The following COL5A3 variants were observed in gnomAD, a reference collection of about 807,000 sequenced individuals.
The protein encoded by COL5A3 is collagen alpha-3(V) chain.
In COL5A3, 172 loss-of-function variants were observed where a neutral mutation model predicts 250.0. That is an observed-to-expected ratio of 0.69 (90% CI 0.61 to 0.78). The LOEUF is 0.78. Among genes scored for constraint, COL5A3 ranks in the 30% least tolerant of loss-of-function variants. COL5A3 has a pLI of 0.00. For missense variants in COL5A3, 2,340 were observed against 2,334.4 expected, an observed-to-expected ratio of 1.00 and a Z score of -0.05; for synonymous variants, 937 against 900.4, an observed-to-expected ratio of 1.04 and a Z score of -0.73.
chr19:9,981,939 G>C, intron 32 of COL5A3, 126 bp downstream of exon 32: 1 of 756,602 alleles, frequency 1.3e-6, no homozygotes, highest in Non-Finnish European at 2.4e-6. Context: ...ATAATAGCAT[G>C]TGTGCACACA....
chr19:9,979,501 AGGAATCT>A, intron 37 of COL5A3, 84 bp from the exon 38 acceptor site: 1 of 1,463,714 alleles, frequency 6.8e-7, no homozygotes, highest in Non-Finnish European at 9.5e-7. Flanking sequence ...TGATAGGATC[AGGAATCT>A]GGCCGGTCCG....
chr19:9,966,993 A>G (rs1156305992), intron 62 of COL5A3, among the ~76,000 whole-genome samples: 2 of 152,154 alleles, frequency 1.3e-5, no homozygotes, highest in Non-Finnish European at 2.9e-5. Context: ...AGAAAGCGCA[A>G]GAATAGCAGA....
Position 9,980,639 on chromosome 19 carries a change from C to T in COL5A3, c.2604+9G>A, listed in dbSNP as rs187893640. 6.2e-7 allele frequency: 1 copy of T among 1,613,168 alleles called. No individual in the cohort carries two copies. The highest frequency in any genetic ancestry group is 8.5e-7 in the Non-Finnish European group (1 of 1,179,542). ...ACATTCACACACACACACACACACACACACTCACCTTTTCTCCAGGGATCC... is the reference window on the plus strand; with the variant it reads ...ACATTCACACACACACACACACACATACACTCACCTTTTCTCCAGGGATCC... On this transcript the variant is annotated intron_variant, in intron 35 of 66. Coordinates refer to ENST00000264828, the MANE Select transcript of COL5A3 (RefSeq NM_015719.4).
Position 9,960,525 on chromosome 19 carries a change from T to C in COL5A3, c.5124A>G (p.Glu1708=). ...LRKGQTKTLF[E]FSSSRAGFLP... is the part of the protein sequence containing the mutation. ...GAAATCCCGCTCGAGAAGAGCTGAA[T>C]TCGAAAAGGGTCTTCGTCTGTCCTT... Residue 1708 remains glutamate (E), a synonymous_variant, in exon 67 of 67, where the codon GAA becomes GAG. Transcript: ENST00000264828. 2 of 1,614,152 alleles carry C rather than the reference T, an allele frequency of 1.2e-6. No individual in the cohort carries two copies. The highest frequency in any genetic ancestry group is 1.7e-6 in the Non-Finnish European group (2 of 1,180,034).
Position 9,969,923 on chromosome 19 carries a change from C to T in COL5A3, c.3937-1G>A, listed in dbSNP as rs1026012524. The stretch of plus-strand genomic sequence containing the variant: ...CTCGACCCATGTGGCCTGAAGGACC[C>T]TTGGAAGGGAAAGACAGTGAGGGGG... On this transcript the variant is annotated splice_acceptor_variant, in intron 54 of 66. Coordinates refer to ENST00000264828, the MANE Select transcript of COL5A3 (RefSeq NM_015719.4). LOFTEE classifies it high-confidence loss of function. 2 of 1,590,974 alleles carry T rather than the reference C, an allele frequency of 1.3e-6. No individual in the cohort carries two copies. Among genetic ancestry groups the T allele is most frequent in the Non-Finnish European group, 1.7e-6 (2 of 1,172,140 alleles).
intron 54 of COL5A3, 60 bp from the exon 55 acceptor site, chr19:9,969,982 T>G (rs1374198283): frequency 8.9e-6 from 12 of 1,354,434 alleles, no homozygotes; most frequent in African/African-American, 5.8e-5. Flanking sequence ...GAGGGGTGAG[T>G]GGGGTCTGGG....
intron 1 of COL5A3, 36 bp downstream of exon 1, chr19:10,010,262 T>C (rs1238963609): frequency 3.0e-6 from 4 of 1,345,392 alleles, no homozygotes. Flanking sequence ...CTCTGAGTCG[T>C]GGACCCTGGG....
At position 9,979,856 on chromosome 19, in the gene COL5A3, C is replaced by A; in HGVS notation, c.2695G>T (p.Gly899Ter). 6.3e-7 allele frequency: 1 copy of A among 1,578,736 alleles called. No individual in the cohort carries two copies. Among genetic ancestry groups the A allele is most frequent in the Non-Finnish European group, 8.5e-7 (1 of 1,170,016 alleles). The stretch of plus-strand genomic sequence containing the variant: ...TTACTCACCAGTTCTCCTCTCTGTC[C>A]AGGGTGCCCTGGTCGCCCATCTTTA... ...QGKDGRPGHP[G>*]QRGELGFQGQ... The change falls in exon 37 of 67, where the codon GGA becomes TGA. Residue 899 changes from glycine to a stop codon, truncating the protein, a stop_gained. Coordinates refer to ENST00000264828, the MANE Select transcript of COL5A3 (RefSeq NM_015719.4). LOFTEE classifies it high-confidence loss of function.
rs765853959 is a variant in COL5A3 at position 9,973,588 on chromosome 19, T to G, written c.3648A>C (p.Pro1216=). Residue 1216 remains proline (P), a synonymous_variant, in exon 50 of 67, where the codon CCA becomes CCC. Transcript: ENST00000264828. ...ERGDAGDPGP[P]GAPGIPGPKG... ...CACTCACCGGGATGCCTGGGGCTCCTGGAGGCCCTGGGTCTCCAGCGTCCC... is the reference window on the plus strand; with the variant it reads ...CACTCACCGGGATGCCTGGGGCTCCGGGAGGCCCTGGGTCTCCAGCGTCCC... 14 of 1,612,578 alleles carry G rather than the reference T, an allele frequency of 8.7e-6. No individual in the cohort carries two copies. The highest frequency in any genetic ancestry group is 1.2e-5 in the Non-Finnish European group (14 of 1,179,306).
chr19:10,003,647 C>T lies in COL5A3; in HGVS notation c.767G>A (p.Gly256Glu). Residue 256 changes from glycine (G) to glutamate (E), a missense_variant, in exon 6 of 67, where the codon GGG becomes GAG. Around this residue, in one of 3 missense-constraint regions of COL5A3, gnomAD observed 1,152 missense variants for 1,146.3 expected, o/e 1.00. Coordinates refer to ENST00000264828, the MANE Select transcript of COL5A3 (RefSeq NM_015719.4). ...RKGKGKGRKK[G>E]RGRKGKGRKK... ...CCTGCCCTTCCCCTTGCGACCTCGC[C>T]CTTTCTTCCTCCCTTTTCCCTTCCC... 6.2e-7 allele frequency: 1 copy of T among 1,614,100 alleles called. No homozygotes were observed. The highest frequency in any genetic ancestry group is 1.3e-5 in the African/African-American group (1 of 74,996).
At chr19:9,978,297 C>T (rs62104333) in intron 41 of COL5A3, among the ~76,000 whole-genome samples, 1,564 of 152,168 alleles carry the variant, frequency 0.01, 10 homozygotes, top group Non-Finnish European at 0.019. Flanking sequence ...GACCTTGGCT[C>T]ATTGCAACCT....
At chr19:9,982,741 A>G (rs2087027934) in intron 31 of COL5A3, among the ~76,000 whole-genome samples, 1 of 152,136 alleles carries the variant, frequency 6.6e-6, no homozygotes, top group Non-Finnish European at 1.5e-5. Context: ...CAGATCAGAA[A>G]AGACAGTTGC....
Position 9,974,780 on chromosome 19 carries a change from G to A in COL5A3, c.3343-372C>T, listed in dbSNP as rs911447785. On this transcript the variant is annotated intron_variant, in intron 45 of 66. Coordinates refer to ENST00000264828, the MANE Select transcript of COL5A3 (RefSeq NM_015719.4). ...GGGTCAGAGTTGGGGTTAAGGATAG[G>A]GCCGTATGTTCCTATTGTATGGTAA... Among the ~76,000 whole-genome samples, 9 of 152,142 alleles carry A rather than the reference G, an allele frequency of 5.9e-5. No individual in the cohort carries two copies. The East Asian group carries it at 1.5e-3, about 26-fold the overall frequency.
chr19:9,990,573 T>A (rs2087174093), intron 24 of COL5A3, among the ~76,000 whole-genome samples: 1 of 151,518 alleles, frequency 6.6e-6, no homozygotes, highest in African/African-American at 2.4e-5. Flanking sequence ...AAAATTAATT[T>A]TTTTTTTGAG....
intron 8 of COL5A3, among the ~76,000 whole-genome samples, chr19:9,999,634 T>G (rs2087329103): frequency 6.6e-6 from 1 of 151,630 alleles, no homozygotes; most frequent in Non-Finnish European, 1.5e-5. Context: ...CCAGCTAATT[T>G]TTTTGTATTT....
intron 8 of COL5A3, 120 bp from the exon 9 acceptor site, chr19:9,998,269 T>A: frequency 5.0e-6 from 5 of 1,001,080 alleles, no homozygotes; most frequent in Non-Finnish European, 5.9e-6. Flanking sequence ...GAGTCCACCC[T>A]CAGAGCCCCT....
At position 9,991,608 on chromosome 19, in the gene COL5A3, A is replaced by G; in HGVS notation, c.1992+2T>C. 6.3e-7 allele frequency: 1 copy of G among 1,592,416 alleles called. No individual in the cohort carries two copies. Among genetic ancestry groups the G allele is most frequent in the Non-Finnish European group, 8.6e-7 (1 of 1,169,188 alleles). On this transcript the variant is annotated splice_donor_variant, in intron 24 of 66. Coordinates refer to ENST00000264828, the MANE Select transcript of COL5A3 (RefSeq NM_015719.4). LOFTEE classifies it high-confidence loss of function. ...GTCGCGGTAGGTGGAGCTGTCACTC[A>G]CCTTCTCCCCAGGAGTGCCAATGAG...
chr19:9,993,476 G>C lies in COL5A3; in HGVS notation c.1696-43C>G, dbSNP rs370192120. The C allele has an allele frequency of 5.5e-4, 881 of 1,608,654 alleles. 2 individuals are homozygous for C. The highest frequency in any genetic ancestry group is 7.2e-4 in the Non-Finnish European group (844 of 1,175,256). ...GGGAGTTCAGAGTGGAAGGGTGTGG[G>C]CGGAGAGACCAGCCCCCTGGGAAGG... On this transcript the variant is annotated intron_variant, in intron 18 of 66. Coordinates refer to ENST00000264828, the MANE Select transcript of COL5A3 (RefSeq NM_015719.4).
chr19:9,993,514 G>A (rs1400010024), intron 18 of COL5A3, 81 bp from the exon 19 acceptor site: 2 of 1,576,352 alleles, frequency 1.3e-6, no homozygotes, highest in East Asian at 4.5e-5. Context: ...GATGGGGTGT[G>A]AGGAGGGACA....
Sources: allele counts gnomAD v4.1 joint callset (sites outside exome capture counted in the v4.1 genomes callset), GRCh38; gene constraint gnomAD v4.1.1; regional missense constraint gnomAD v4.1.1; transcripts MANE v1.5; gene names NCBI Gene and HGNC (gene_info 2026-07-23, HGNC 2026-07-21).